TAS2R1: variants seen among roughly 807,000 people sequenced by gnomAD.
The protein encoded by TAS2R1 is taste 2 receptor member 1.
For missense variants in TAS2R1, 370 were observed against 353.4 expected, an observed-to-expected ratio of 1.05 and a Z score of -0.38; for synonymous variants, 141 against 134.2, an observed-to-expected ratio of 1.05 and a Z score of -0.35.
At chr5:9,717,712 A>G in the TAS2R1 span, among the ~76,000 whole-genome samples, 1 of 152,240 alleles carries the variant, frequency 6.6e-6, no homozygotes, top group Non-Finnish European at 1.5e-5. Context: ...TCCATTTGGA[A>G]AAACATAAAA....
intron 1 of TAS2R1, among the ~76,000 whole-genome samples, chr5:9,677,568 G>A (rs1033248214): frequency 3.3e-5 from 5 of 152,068 alleles, no homozygotes; most frequent in African/African-American, 7.2e-5. Context: ...ACAAGCATGT[G>A]AAAAGATAAT....
At chr5:9,732,323 G>A in the TAS2R1 span, among the ~76,000 whole-genome samples, 3 of 152,194 alleles carry the variant, frequency 2.0e-5, no homozygotes, top group Admixed American at 1.3e-4. Flanking sequence ...CTGGAAAGAT[G>A]TGCAGCGACC....
chr5:9,646,954 T>C (rs955979049), intron 2 of TAS2R1, among the ~76,000 whole-genome samples: 1 of 152,186 alleles, frequency 6.6e-6, no homozygotes, highest in African/African-American at 2.4e-5. Flanking sequence ...ACTATTACTA[T>C]GCAAACTATG....
the TAS2R1 span, among the ~76,000 whole-genome samples, chr5:9,728,840 G>A: frequency 2.6e-5 from 4 of 152,170 alleles, no homozygotes; most frequent in Admixed American, 2.6e-4. Flanking sequence ...GGGACCCAAA[G>A]AAGATTCCAT....
At chr5:9,673,500 C>A (rs1740810539) in intron 1 of TAS2R1, among the ~76,000 whole-genome samples, 1 of 151,854 alleles carries the variant, frequency 6.6e-6, no homozygotes, top group Admixed American at 6.6e-5. Flanking sequence ...ATATTTGTAT[C>A]TAAGTGGCTT....
chr5:9,644,362 C>T (rs909517233), intron 2 of TAS2R1, among the ~76,000 whole-genome samples: 9 of 152,010 alleles, frequency 5.9e-5, no homozygotes, highest in Admixed American at 2.0e-4. Context: ...AGTGGCTGGA[C>T]GAGGAATAGA....
the TAS2R1 span, among the ~76,000 whole-genome samples, chr5:9,890,388 C>T: frequency 6.6e-6 from 1 of 152,184 alleles, no homozygotes; most frequent in Non-Finnish European, 1.5e-5. Context: ...CTACTCCTGC[C>T]TAGCCCTTCC....
chr5:9,730,870 C>T, the TAS2R1 span, among the ~76,000 whole-genome samples: 1 of 152,308 alleles, frequency 6.6e-6, no homozygotes, highest in South Asian at 2.1e-4. Context: ...TTTTATAAGG[C>T]ATTTCCCTTT....
At chr5:9,680,889 C>G (rs1740980937) in intron 1 of TAS2R1, among the ~76,000 whole-genome samples, 1 of 151,702 alleles carries the variant, frequency 6.6e-6, no homozygotes, top group Non-Finnish European at 1.5e-5. Context: ...CCTGTCTCTA[C>G]TAAAAATAAA....
At chr5:9,783,623 A>G in the TAS2R1 span, among the ~76,000 whole-genome samples, 9 of 152,242 alleles carry the variant, frequency 5.9e-5, no homozygotes, top group African/African-American at 1.9e-4. Flanking sequence ...TTTCCTTTAG[A>G]GTAAAAGAAT....
chr5:9,885,676 T>C, the TAS2R1 span, among the ~76,000 whole-genome samples: 8 of 152,282 alleles, frequency 5.3e-5, no homozygotes. Flanking sequence ...AAAATTATCC[T>C]TTAAAAGAAT....
the TAS2R1 span, among the ~76,000 whole-genome samples, chr5:9,864,757 GTACA>G: frequency 6.6e-6 from 1 of 152,022 alleles, no homozygotes; most frequent in Non-Finnish European, 1.5e-5. Flanking sequence ...ATGGTAAAAA[GTACA>G]TTCTTTATTG....
At chr5:9,640,478 C>A (rs1345657716) in intron 2 of TAS2R1, among the ~76,000 whole-genome samples, 4 of 124,434 alleles carry the variant, frequency 3.2e-5, no homozygotes, top group Admixed American at 9.2e-5. Flanking sequence ...CACAGAATTG[C>A]CACAAACCTT....
the TAS2R1 span, among the ~76,000 whole-genome samples, chr5:9,821,653 T>C: frequency 4.6e-4 from 70 of 152,272 alleles, 1 homozygote; most frequent in Non-Finnish European, 8.4e-4. Context: ...AAAGGATACA[T>C]GAGAAATTGA....
the TAS2R1 span, among the ~76,000 whole-genome samples, chr5:9,870,620 G>A: frequency 2.0e-5 from 3 of 152,052 alleles, no homozygotes; most frequent in Non-Finnish European, 4.4e-5. Context: ...AGACTTATAG[G>A]CAAATAAATA....
chr5:9,734,584 T>C, the TAS2R1 span, among the ~76,000 whole-genome samples: 3 of 152,208 alleles, frequency 2.0e-5, no homozygotes, highest in African/African-American at 7.2e-5. Flanking sequence ...TACAATGCTT[T>C]GCCAAATAAA....
chr5:9,816,145 A>G, the TAS2R1 span, among the ~76,000 whole-genome samples: 1 of 152,188 alleles, frequency 6.6e-6, no homozygotes, highest in East Asian at 1.9e-4. Context: ...TTTCCATTAA[A>G]AAGTGACTAT....
the TAS2R1 span, among the ~76,000 whole-genome samples, chr5:9,741,336 G>T: frequency 6.6e-6 from 1 of 152,194 alleles, no homozygotes; most frequent in Admixed American, 6.5e-5. Flanking sequence ...CCAACAGCTG[G>T]TCAATGGGAC....
At chr5:9,859,445 G>T in the TAS2R1 span, among the ~76,000 whole-genome samples, 16 of 152,244 alleles carry the variant, frequency 1.1e-4, no homozygotes, top group South Asian at 2.7e-3. Flanking sequence ...CATCACTTAA[G>T]AACTGAAAAT....
Sources: allele counts gnomAD v4.1 joint callset (sites outside exome capture counted in the v4.1 genomes callset), GRCh38; gene constraint gnomAD v4.1.1; transcripts MANE v1.5; gene names NCBI Gene and HGNC (gene_info 2026-07-23, HGNC 2026-07-21).